Variants in FSD2 observed in about 807,000 individuals in gnomAD.
FSD2 encodes the protein fibronectin type III and SPRY domain containing 2.
Under a neutral mutation model 80.4 loss-of-function variants are expected in FSD2, and 71 were observed. That is an observed-to-expected ratio of 0.88 (90% CI 0.73 to 1.08). The LOEUF (loss-of-function observed/expected upper bound fraction) is 1.08. Ranked by LOEUF, FSD2 falls within the 50% of genes least tolerant of loss-of-function variation. The pLI, the probability that FSD2 is intolerant of heterozygous loss-of-function variation, is 0.00. For synonymous variants in FSD2, 361 were observed against 329.5 expected, an observed-to-expected ratio of 1.10 and a Z score of -1.03; for missense variants, 923 against 913.8, an observed-to-expected ratio of 1.01 and a Z score of -0.13.
chr15:82,805,743 A>G (rs2050511716), intron 1 of FSD2, among the ~76,000 whole-genome samples: 2 of 152,222 alleles, frequency 1.3e-5, no homozygotes, highest in South Asian at 4.1e-4. Flanking sequence ...GTCTGCCTTC[A>G]TCAGAGCCTC....
In FSD2 at chr15:82,773,445, A is replaced by T. The variant is rs1156865888; in HGVS notation, c.1112-1217T>A. Among the ~76,000 whole-genome samples, 7 of 152,310 alleles carry T rather than the reference A, an allele frequency of 4.6e-5. No individual in the cohort carries two copies. The East Asian group carries it at 1.3e-3, about 29-fold the overall frequency. ...CTGGAGATGCAGCGTAAGAAAATGT[A>T]TGGTTCTGGGAACTTTAAACCCCTC... On this transcript the variant is annotated intron_variant, in intron 6 of 12. Coordinates refer to ENST00000334574, the MANE Select transcript of FSD2 (RefSeq NM_001007122.4).
Position 82,759,221 on chromosome 15 carries a change from A to T in FSD2, c.*127T>A. 1 of 1,009,122 alleles carries T rather than the reference A, an allele frequency of 9.9e-7. No homozygotes were observed. Among genetic ancestry groups the T allele is most frequent in the Non-Finnish European group, 1.4e-6 (1 of 705,770 alleles). 62.5% of individuals were successfully genotyped at this position (1,009,122 alleles called of 1,614,324 possible). On this transcript the variant is annotated 3_prime_UTR_variant, in exon 13 of 13. Transcript: ENST00000334574. Reference sequence around the variant, plus strand: ...TGAAATGAGCGCTAGCACACCAGTCAGATAATAGCATGAGCCATAAATTGT... The same window carrying T: ...TGAAATGAGCGCTAGCACACCAGTCTGATAATAGCATGAGCCATAAATTGT...
rs770022912 is a variant in FSD2 at position 82,756,875 on chromosome 15, ACT to A, written c.*2471_*2472del. On this transcript the variant is annotated 3_prime_UTR_variant, in exon 13 of 13. Coordinates refer to ENST00000334574, the MANE Select transcript of FSD2 (RefSeq NM_001007122.4). ...GGCTACAGTGGTCTAATTTTTAAAA[ACT>A]CTTTTTTTTGCTTTGTTTTTTAACA... The A allele has an allele frequency of 2.0e-5, 3 of 150,586 alleles. No individual in the cohort carries two copies. Among genetic ancestry groups the A allele is most frequent in the Admixed American group, 1.3e-4 (2 of 15,128 alleles). 9.3% of individuals were successfully genotyped at this position (150,586 alleles called of 1,614,324 possible).
chr15:82,803,009 C>T (rs776926490), intron 1 of FSD2, among the ~76,000 whole-genome samples: 6 of 152,012 alleles, frequency 3.9e-5, no homozygotes, highest in African/African-American at 7.2e-5. Context: ...TTGGGCTAGG[C>T]GCTGGGGGTA....
At chr15:82,805,525 T>A (rs1465375242) in intron 1 of FSD2, among the ~76,000 whole-genome samples, 1 of 152,226 alleles carries the variant, frequency 6.6e-6, no homozygotes, top group Admixed American at 6.5e-5. Context: ...ATAATTACGA[T>A]GCTGTTTTTT....
At chr15:82,794,243 T>C (rs2050211678) in intron 1 of FSD2, among the ~76,000 whole-genome samples, 1 of 152,176 alleles carries the variant, frequency 6.6e-6, no homozygotes, top group Non-Finnish European at 1.5e-5. Context: ...ACCCATTGGT[T>C]ATTGAGGAGT....
chr15:82,784,687 G>T (rs941714692), intron 3 of FSD2, among the ~76,000 whole-genome samples: 7 of 152,156 alleles, frequency 4.6e-5, no homozygotes, highest in Non-Finnish European at 1.0e-4. Flanking sequence ...GTAAGATTGG[G>T]GCTGGAAAAG....
At chr15:82,773,677 T>C (rs902547037) in intron 6 of FSD2, among the ~76,000 whole-genome samples, 3 of 152,168 alleles carry the variant, frequency 2.0e-5, no homozygotes, top group African/African-American at 7.2e-5. Flanking sequence ...AATCTCTCCT[T>C]GACCCAGTGA....
In FSD2 at chr15:82,757,521, A is replaced by T. The variant is rs2049201453; in HGVS notation, c.*1827T>A. 1 of 151,744 alleles carries T rather than the reference A, an allele frequency of 6.6e-6. No individual in the cohort carries two copies. The highest frequency in any genetic ancestry group is 2.1e-4 in the South Asian group (1 of 4,792). 9.4% of individuals were successfully genotyped at this position (151,744 alleles called of 1,614,324 possible). The stretch of plus-strand genomic sequence containing the variant: ...TAATTTTTTTGTATTTTTAGTAGAG[A>T]CGGGGTTTCACCGTATTAGCCAGGA... On this transcript the variant is annotated 3_prime_UTR_variant, in exon 13 of 13. Transcript: ENST00000334574.
chr15:82,791,145 C>T (rs1489762784), intron 1 of FSD2, among the ~76,000 whole-genome samples: 3 of 151,216 alleles, frequency 2.0e-5, no homozygotes, highest in African/African-American at 4.9e-5. Context: ...ACTACAGGCG[C>T]CCGCCACCAT....
intron 1 of FSD2, among the ~76,000 whole-genome samples, chr15:82,800,963 G>A (rs1353681846): frequency 6.6e-6 from 1 of 152,066 alleles, no homozygotes; most frequent in Non-Finnish European, 1.5e-5. Context: ...AGCATGTTGA[G>A]CCACTGTGCA....
chr15:82,765,964 A>G lies in FSD2; in HGVS notation c.1621T>C (p.Tyr541His), dbSNP rs1421844652. ...QLQPGRSYII[Y>H]VRALNMGGPS... The stretch of plus-strand genomic sequence containing the variant: ...CCCCCCATATTGAGGGCTCGCACAT[A>G]GATAATGTAGCTCCGCCCCGGCTGC... The change falls in exon 10 of 13, where the codon TAT becomes CAT. Residue 541 changes from tyrosine (Y) to histidine (H), a missense_variant. Tyr to His is a moderately conservative substitution (Grantham distance 83). Transcript: ENST00000334574. 3 of 1,604,840 alleles carry G rather than the reference A, an allele frequency of 1.9e-6. No individual in the cohort carries two copies. The Admixed American group carries it at 5.1e-5, about 27-fold the overall frequency.
Position 82,788,222 on chromosome 15 carries a change from G to A in FSD2, c.-78-754C>T, listed in dbSNP as rs532675057. Among the ~76,000 whole-genome samples the A allele has an allele frequency of 4.5e-4, 68 of 152,022 alleles. No homozygotes were observed. In the South Asian group the frequency reaches 9.2e-3, roughly 20 times the overall value. ...TTAAAAGTAACAGAACAGGCCTGGC[G>A]TGGTGGCTCATGCCCATAATCCCAG... On this transcript the variant is annotated intron_variant, in intron 1 of 12. Transcript: ENST00000334574.
intron 11 of FSD2, among the ~76,000 whole-genome samples, chr15:82,764,491 G>GTTTTTTTTTTTT (rs2049361910): frequency 1.7e-5 from 1 of 59,334 alleles, no homozygotes; most frequent in African/African-American, 7.3e-5. Context: ...TTCTTTACTT[G>GTTTTTTTTTTTT]CTTTTTTTTT....
At chr15:82,771,646 A>G (rs930238426) in intron 7 of FSD2, among the ~76,000 whole-genome samples, 1 of 152,310 alleles carries the variant, frequency 6.6e-6, no homozygotes, top group East Asian at 1.9e-4. Context: ...CTCACCCCTC[A>G]TGGGGTCTGC....
At chr15:82,785,851 A>G (rs939105535) in intron 3 of FSD2, among the ~76,000 whole-genome samples, 3 of 152,126 alleles carry the variant, frequency 2.0e-5, no homozygotes, top group African/African-American at 4.8e-5. Flanking sequence ...TTCTCCGCCA[A>G]TGCACCAGAT....
Position 82,782,942 on chromosome 15 carries a change from T to G in FSD2, c.819A>C (p.Lys273Asn), listed in dbSNP as rs904934576. ...TCTTTTTCTCCCCTAGAGCTTGTAT[T>G]TTTTCCTCATATTTTTGAGCAAGTG... Reference protein sequence around the residue: ...LETLAQKYEEKIQALGEKKKE... With the variant: ...LETLAQKYEENIQALGEKKKE... Residue 273 changes from lysine (K) to asparagine (N), a missense_variant, in exon 4 of 13, where the codon AAA (lysine) becomes AAC (asparagine). Coordinates refer to ENST00000334574, the MANE Select transcript of FSD2 (RefSeq NM_001007122.4). The G allele has an allele frequency of 6.2e-7, 1 of 1,613,930 alleles. No individual in the cohort carries two copies. The highest frequency in any genetic ancestry group is 2.2e-5 in the East Asian group (1 of 44,876).
intron 1 of FSD2, among the ~76,000 whole-genome samples, chr15:82,792,855 G>T (rs1354937477): frequency 2.0e-5 from 3 of 152,080 alleles, no homozygotes; most frequent in Admixed American, 2.0e-4. Flanking sequence ...GAGGAATTTT[G>T]AATTCATATT....
At chr15:82,804,467 A>G (rs749378661) in intron 1 of FSD2, among the ~76,000 whole-genome samples, 3 of 152,102 alleles carry the variant, frequency 2.0e-5, no homozygotes, top group Admixed American at 6.5e-5. Context: ...TATCTGGGCT[A>G]CTCTGTATTT....
Sources: gnomAD v4.1 joint callset for allele counts (sites outside exome capture counted in the v4.1 genomes callset) on GRCh38, gnomAD v4.1.1 for gene constraint, MANE v1.5 for transcripts, NCBI Gene and HGNC (gene_info 2026-07-23, HGNC 2026-07-21) for gene names.